Variants in DOCK3 observed in about 807,000 individuals in gnomAD.
The protein encoded by DOCK3 is dedicator of cytokinesis 3.
DOCK3 carries 60 observed loss-of-function variants against 265.6 expected under a neutral mutation model. The observed-to-expected ratio is 0.23, with a 90% CI of 0.18 to 0.28. DOCK3 has a LOEUF of 0.28. DOCK3 is among the 10% of genes least tolerant of loss of function. The pLI is 1.00. For missense variants in DOCK3, 1,981 were observed against 2,594.3 expected (o/e 0.76, Z 5.14); for synonymous variants, 881 against 938.0 (o/e 0.94, Z 1.11).
intron 9 of DOCK3, among the ~76,000 whole-genome samples, chr3:51,125,078 C>T (rs1340641209): frequency 2.0e-5 from 3 of 151,898 alleles, no homozygotes; most frequent in Non-Finnish European, 4.4e-5. Flanking sequence ...GCCGAGATCA[C>T]GCCACTGCAC....
intron 3 of DOCK3, among the ~76,000 whole-genome samples, chr3:50,886,532 A>G (rs1259274784): frequency 2.0e-5 from 3 of 149,090 alleles, no homozygotes; most frequent in Non-Finnish European, 4.5e-5. Flanking sequence ...AGCATTAGGT[A>G]TATCTCCCAA....
At chr3:50,684,400 G>A (rs935175845) in intron 1 of DOCK3, among the ~76,000 whole-genome samples, 1 of 152,192 alleles carries the variant, frequency 6.6e-6, no homozygotes, top group Non-Finnish European at 1.5e-5. Context: ...AATCCTGATG[G>A]TATTTTAAAA....
intron 27 of DOCK3, among the ~76,000 whole-genome samples, chr3:51,297,833 T>C (rs890528347): frequency 2.4e-4 from 36 of 152,004 alleles, no homozygotes; most frequent in East Asian, 3.9e-4. Flanking sequence ...TGCATGCCTG[T>C]AGTCCCAGTT....
In DOCK3 at chr3:51,159,230, A is replaced by AT. The variant is rs1356515862; in HGVS notation, c.829-8dup. The AT allele has an allele frequency of 3.1e-6, 5 of 1,612,412 alleles. No homozygotes were observed. Among genetic ancestry groups the AT allele is most frequent in the South Asian group, 1.1e-5 (1 of 90,908 alleles). On this transcript the variant is annotated splice_polypyrimidine_tract_variant and intron_variant, in intron 10 of 52. Transcript: ENST00000266037. ...GTGTATTCCTTGCCTGAATTTACTT[A>AT]TTTTTTCTCTTAGGATCTGAGCAGC...
intron 1 of DOCK3, among the ~76,000 whole-genome samples, chr3:50,694,768 C>CT (rs2035498988): frequency 6.6e-6 from 1 of 152,142 alleles, no homozygotes; most frequent in Admixed American, 6.6e-5. Flanking sequence ...GCTGAGATCA[C>CT]TCCACTGCAC....
At chr3:50,798,815 G>A (rs1374400872) in intron 2 of DOCK3, among the ~76,000 whole-genome samples, 2 of 152,036 alleles carry the variant, frequency 1.3e-5, no homozygotes, top group Admixed American at 6.6e-5. Flanking sequence ...ATGTCCTGAA[G>A]CATTTCTCCT....
At chr3:51,059,117 T>A (rs1220767384) in intron 5 of DOCK3, among the ~76,000 whole-genome samples, 1 of 152,124 alleles carries the variant, frequency 6.6e-6, no homozygotes, top group East Asian at 1.9e-4. Flanking sequence ...TGTCTATTGT[T>A]GTTGTTTTTA....
chr3:50,744,843 C>T (rs1313805015), intron 1 of DOCK3, among the ~76,000 whole-genome samples: 2 of 152,184 alleles, frequency 1.3e-5, no homozygotes, highest in Non-Finnish European at 2.9e-5. Flanking sequence ...GCCCTTTCCC[C>T]ATTTAATGGT....
rs1328996579 is a variant in DOCK3 at position 51,351,235 on chromosome 3, T to A, written c.4107+843T>A. On this transcript the variant is annotated intron_variant, in intron 40 of 52. Coordinates refer to ENST00000266037, the MANE Select transcript of DOCK3 (RefSeq NM_004947.5). Reference sequence around the variant, plus strand: ...TTGAGACCTAATTGCTAATCGCTGATCACCCCCAGTTCCAATATCTTTAAC... The same window carrying A: ...TTGAGACCTAATTGCTAATCGCTGAACACCCCCAGTTCCAATATCTTTAAC... Among the ~76,000 whole-genome samples, 7 of 152,322 alleles carry A rather than the reference T, an allele frequency of 4.6e-5. No homozygotes were observed. In the South Asian group the frequency reaches 1.4e-3, roughly 32 times the overall value.
intron 4 of DOCK3, among the ~76,000 whole-genome samples, chr3:50,924,617 A>G (rs1331400503): frequency 6.6e-6 from 1 of 152,258 alleles, no homozygotes; most frequent in East Asian, 1.9e-4. Context: ...AATGGGGTCA[A>G]AAGTATGAAC....
intron 51 of DOCK3, among the ~76,000 whole-genome samples, 163 bp downstream of exon 51, chr3:51,375,998 T>C (rs2088093482): frequency 6.6e-6 from 1 of 152,206 alleles, no homozygotes; most frequent in African/African-American, 2.4e-5. Context: ...ATTTAACCCA[T>C]GTCTGACTTG....
At chr3:50,780,762 G>C (rs1425461141) in intron 2 of DOCK3, among the ~76,000 whole-genome samples, 1 of 152,004 alleles carries the variant, frequency 6.6e-6, no homozygotes, top group African/African-American at 2.4e-5. Flanking sequence ...ATGTGGGATA[G>C]AACATTAGAA....
intron 5 of DOCK3, among the ~76,000 whole-genome samples, chr3:51,006,148 G>C (rs1383222846): frequency 6.6e-6 from 1 of 151,738 alleles, no homozygotes; most frequent in Admixed American, 6.6e-5. Flanking sequence ...AGCTCATTCT[G>C]TCTCCCTCAT....
chr3:50,874,042 GT>G (rs869155239), intron 3 of DOCK3, among the ~76,000 whole-genome samples: 247 of 115,122 alleles, frequency 2.1e-3, no homozygotes, highest in Non-Finnish European at 2.5e-3. Context: ...TCATGAAGGT[GT>G]TTTTTTTTTT....
chr3:50,876,233 A>G (rs2047694701), intron 3 of DOCK3, among the ~76,000 whole-genome samples: 1 of 152,166 alleles, frequency 6.6e-6, no homozygotes, highest in African/African-American at 2.4e-5. Flanking sequence ...CTCAAGCTTT[A>G]TCTACTTAAA....
At chr3:51,081,631 C>T (rs777299438) in intron 7 of DOCK3, among the ~76,000 whole-genome samples, 2 of 152,052 alleles carry the variant, frequency 1.3e-5, no homozygotes, top group Non-Finnish European at 2.9e-5. Context: ...CATGGTGGCT[C>T]ACGCCTGTAA....
chr3:51,048,777 G>T lies in DOCK3; in HGVS notation c.316-15671G>T, dbSNP rs539321348. ...CTATGGGAGGCTGAGGCAGGAGAAT[G>T]GTGTGAACCCAGGAGGCAGAGCTTG... On this transcript the variant is annotated intron_variant, in intron 5 of 52. Coordinates refer to ENST00000266037, the MANE Select transcript of DOCK3 (RefSeq NM_004947.5). Among the ~76,000 whole-genome samples the T allele has an allele frequency of 3.3e-5, 5 of 152,096 alleles. No homozygotes were observed. In the South Asian group the frequency reaches 1.0e-3, roughly 32 times the overall value.
intron 12 of DOCK3, among the ~76,000 whole-genome samples, chr3:51,186,740 A>G (rs755405902): frequency 5.9e-5 from 9 of 152,214 alleles, no homozygotes; most frequent in Non-Finnish European, 1.3e-4. Flanking sequence ...AAAGGGGCCA[A>G]TGTAAACCTT....
chr3:51,336,915 G>T, intron 35 of DOCK3: 1 of 455,752 alleles, frequency 2.2e-6, no homozygotes, highest in Non-Finnish European at 4.4e-6. Flanking sequence ...GCCCTTCATG[G>T]GGCCAACTTA....
Sources: allele counts gnomAD v4.1 joint callset (sites outside exome capture counted in the v4.1 genomes callset), GRCh38; gene constraint gnomAD v4.1.1; transcripts MANE v1.5; gene names NCBI Gene and HGNC (gene_info 2026-07-23, HGNC 2026-07-21).